The following NELFB variants were observed in gnomAD, a reference collection of about 807,000 sequenced individuals.
NELFB encodes negative elongation factor B.
In NELFB, 34 loss-of-function variants were observed where a neutral mutation model predicts 60.2. That is an observed-to-expected ratio of 0.56 (90% CI 0.43 to 0.75). The LOEUF (loss-of-function observed/expected upper bound fraction) is 0.75, where lower values mean the gene tolerates loss of function less well. Ranked by LOEUF, NELFB falls within the 30% of genes least tolerant of loss-of-function variation. The pLI is 0.00. For synonymous variants in NELFB, 459 were observed against 382.1 expected (o/e 1.20, Z -2.35); for missense variants, 770 against 831.6 (o/e 0.93, Z 0.91).
At chr9:137,261,548 C>G in intron 4 of NELFB, among the ~76,000 whole-genome samples, 1 of 151,320 alleles carries the variant, frequency 6.6e-6, no homozygotes. Context: ...ATCCCAACTA[C>G]TTGGGAAGCT....
intron 4 of NELFB, among the ~76,000 whole-genome samples, chr9:137,257,321 C>G (rs1285975386): frequency 1.3e-5 from 2 of 152,212 alleles, no homozygotes; most frequent in Admixed American, 6.5e-5. Context: ...TTAATCCCCC[C>G]TCCCCTACTT....
chr9:137,255,714 G>C, intron 1 of NELFB, 103 bp downstream of exon 1: 1 of 1,434,026 alleles, frequency 7.0e-7, no homozygotes, highest in South Asian at 1.3e-5. Context: ...GCTTTCTGCT[G>C]GTGGCTGAGT....
chr9:137,261,590 G>A (rs1211290515), intron 4 of NELFB, among the ~76,000 whole-genome samples: 1 of 151,676 alleles, frequency 6.6e-6, no homozygotes, highest in African/African-American at 2.4e-5. Context: ...TCCGGGAGGT[G>A]GAGGTTGCAG....
At chr9:137,272,313 C>T (rs1265362156) in intron 11 of NELFB, 91 bp downstream of exon 11, 10 of 1,564,598 alleles carry the variant, frequency 6.4e-6, no homozygotes, top group Middle Eastern at 1.7e-4. Flanking sequence ...CAGCCTGGGG[C>T]GGAGGGTCCG....
intron 11 of NELFB, 116 bp downstream of exon 11, chr9:137,272,338 G>C: frequency 6.6e-7 from 1 of 1,518,572 alleles, no homozygotes; most frequent in African/African-American, 1.4e-5. Flanking sequence ...TGGGTCTGTT[G>C]GGCACCAGGG....
At chr9:137,266,456 T>TGG in intron 8 of NELFB, 30 bp downstream of exon 8, 1 of 1,593,440 alleles carries the variant, frequency 6.3e-7, no homozygotes, top group Non-Finnish European at 8.6e-7. Context: ...GGCTGCCAGT[T>TGG]TCCTACGAGG....
At chr9:137,259,090 C>G (rs1428573340) in intron 4 of NELFB, among the ~76,000 whole-genome samples, 1 of 152,108 alleles carries the variant, frequency 6.6e-6, no homozygotes, top group Non-Finnish European at 1.5e-5. Flanking sequence ...ACTCAGGAGG[C>G]TGAAGCAGGA....
In NELFB at chr9:137,262,612, C is replaced by A. The variant is rs554456989; in HGVS notation, c.742-425C>A. ...TCTATATCTAATATAACTATTCTTG[C>A]ATATTTTGTTATACTGGAACAGCTC... is the stretch of plus-strand genomic sequence containing the variant. On this transcript the variant is annotated intron_variant, in intron 4 of 12. Coordinates refer to ENST00000343053, the MANE Select transcript of NELFB (RefSeq NM_015456.5). Among the ~76,000 whole-genome samples, 11 of 152,316 alleles carry A rather than the reference C, an allele frequency of 7.2e-5. No individual in the cohort carries two copies. In the South Asian group the frequency reaches 2.3e-3, roughly 32 times the overall value.
intron 10 of NELFB, 38 bp downstream of exon 10, chr9:137,267,384 T>TGCG: frequency 1.3e-6 from 2 of 1,550,730 alleles, no homozygotes; most frequent in Non-Finnish European, 1.7e-6. Context: ...GTGTCTTCCC[T>TGCG]GCGGCAGCTG....
Position 137,272,628 on chromosome 9 carries a change from G to T in NELFB, c.1740+13G>T. ...GCCTACAGGCCAGGTGGGTGCCCGG[G>T]GGGGCTGCATCTGAAGGCACCTGGT... On this transcript the variant is annotated intron_variant, in intron 12 of 12. Transcript: ENST00000343053. The T allele has an allele frequency of 5.1e-6, 8 of 1,575,666 alleles. No homozygotes were observed. Among genetic ancestry groups the T allele is most frequent in the Non-Finnish European group, 6.9e-6 (8 of 1,160,892 alleles).
chr9:137,256,263 G>A (rs1837548825), intron 2 of NELFB, 66 bp from the exon 3 acceptor site: 1 of 1,496,230 alleles, frequency 6.7e-7, no homozygotes, highest in Non-Finnish European at 9.3e-7. Context: ...TATCTGTGTA[G>A]GGACAGGCAG....
intron 4 of NELFB, among the ~76,000 whole-genome samples, chr9:137,257,361 C>T (rs995951273): frequency 2.0e-5 from 3 of 152,268 alleles, no homozygotes; most frequent in African/African-American, 7.2e-5. Context: ...CGGAGTCTCG[C>T]TCTGTTGCCC....
intron 8 of NELFB, 108 bp downstream of exon 8, chr9:137,266,534 C>A: frequency 1.1e-6 from 1 of 940,812 alleles, no homozygotes; most frequent in Non-Finnish European, 1.6e-6. Context: ...CCCTTTGGTC[C>A]CAAAGCTTCC....
Position 137,272,542 on chromosome 9 carries a change from T to G in NELFB, c.1667T>G (p.Leu556Arg). 6.2e-7 allele frequency: 1 copy of G among 1,612,434 alleles called. No individual in the cohort carries two copies. The highest frequency in any genetic ancestry group is 1.1e-5 in the South Asian group (1 of 90,948). Residue 556 changes from leucine to arginine, a missense_variant, in exon 12 of 13, where the codon CTC (leucine) becomes CGC (arginine). Coordinates refer to ENST00000343053, the MANE Select transcript of NELFB (RefSeq NM_015456.5). ...GTGCACCGGCACGCGCTGCGGCTCC[T>G]CATTCACCTGCACCCCAGGGTGGCC...
chr9:137,257,181 G>A (rs1451509883), intron 4 of NELFB, 127 bp downstream of exon 4: 18 of 796,508 alleles, frequency 2.3e-5, no homozygotes, highest in Non-Finnish European at 3.4e-5. Flanking sequence ...TCTTGGCTGG[G>A]TGGTGGGGGA....
At position 137,263,350 on chromosome 9, in the gene NELFB, C is replaced by T. The variant is rs1830478165; in HGVS notation, c.927+128C>T. On this transcript the variant is annotated intron_variant, in intron 5 of 12. Transcript: ENST00000343053. ...CCCTCCTGAAGGTAGCGCTGCCCTC[C>T]CTCCCTCCCTCCTTCTCCCTTCTCC... 9 of 705,310 alleles carry T rather than the reference C, an allele frequency of 1.3e-5. No individual in the cohort carries two copies. The Admixed American group carries it at 2.1e-4, about 16-fold the overall frequency. The allele number at this position is 705,310 out of a possible 1,614,324, so 43.7% of individuals were successfully genotyped here. A position where few individuals can be genotyped will look rare whatever the true frequency, so the allele number is the denominator to read the frequency against.
At chr9:137,257,545 C>T (rs1482042310) in intron 4 of NELFB, among the ~76,000 whole-genome samples, 4 of 150,148 alleles carry the variant, frequency 2.7e-5, no homozygotes, top group Admixed American at 6.7e-5. Flanking sequence ...TATTGTTGCC[C>T]AGGCTGGAGT....
rs1202976019 is a variant in NELFB, at chr9:137,256,076, T to A, written c.410+6T>A. On this transcript the variant is annotated splice_donor_region_variant and intron_variant, in intron 2 of 12. Coordinates refer to ENST00000343053, the MANE Select transcript of NELFB (RefSeq NM_015456.5). ...GAGGGGAAGGCTGAGGAAAGGTGGGTCAGCGGGAGGGGTGGGCAGGTGAGA... is the reference window on the plus strand; with the variant it reads ...GAGGGGAAGGCTGAGGAAAGGTGGGACAGCGGGAGGGGTGGGCAGGTGAGA... The A allele has an allele frequency of 6.2e-7, 1 of 1,611,882 alleles. No homozygotes were observed. The highest frequency in any genetic ancestry group is 1.1e-5 in the South Asian group (1 of 91,030).
intron 8 of NELFB, 58 bp downstream of exon 8, chr9:137,266,484 G>A: frequency 6.9e-7 from 1 of 1,445,850 alleles, no homozygotes; most frequent in Non-Finnish European, 9.6e-7. Flanking sequence ...GGCTGGAAGT[G>A]GGGTGGAGGG....
Sources: gnomAD v4.1 joint callset for allele counts (sites outside exome capture counted in the v4.1 genomes callset) on GRCh38, gnomAD v4.1.1 for gene constraint, MANE v1.5 for transcripts, NCBI Gene and HGNC (gene_info 2026-07-23, HGNC 2026-07-21) for gene names.